RFPL1: variants seen among roughly 807,000 people sequenced by gnomAD.
RFPL1 encodes the protein ret finger protein like 1.
In RFPL1, 6 loss-of-function variants were observed where a neutral mutation model predicts 9.6. The ratio of observed to expected loss-of-function variants is 0.62; its 90% CI spans 0.34 to 1.23. The LOEUF (loss-of-function observed/expected upper bound fraction) is 1.23, where lower values mean the gene tolerates loss of function less well. RFPL1 is among the 50% of genes most tolerant of loss of function. RFPL1 has a pLI of 0.03. For missense variants in RFPL1, 352 were observed against 398.4 expected, an observed-to-expected ratio of 0.88 and a Z score of 0.99; for synonymous variants, 145 against 149.4, an observed-to-expected ratio of 0.97 and a Z score of 0.22.
chr22:29,422,450 T>G, the RFPL1 span, among the ~76,000 whole-genome samples: 1 of 152,180 alleles, frequency 6.6e-6, no homozygotes, highest in Non-Finnish European at 1.5e-5. Context: ...TGGTGGTGCA[T>G]GCCTGTAATC....
chr22:29,424,833 ACC>A, the RFPL1 span, among the ~76,000 whole-genome samples: 26 of 39,222 alleles, frequency 6.6e-4, no homozygotes, highest in East Asian at 2.8e-3. Flanking sequence ...TGTCCCTCCC[ACC>A]CCCCCCCCCG....
At chr22:29,417,451 G>C in the RFPL1 span, among the ~76,000 whole-genome samples, 1 of 150,512 alleles carries the variant, frequency 6.6e-6, no homozygotes, top group African/African-American at 2.5e-5. Flanking sequence ...GGAGCAGTGG[G>C]AGCCTATCTT....
the RFPL1 span, among the ~76,000 whole-genome samples, chr22:29,417,311 A>T: frequency 3.3e-5 from 5 of 152,016 alleles, no homozygotes; most frequent in Non-Finnish European, 4.4e-5. Flanking sequence ...CTGACTTGGA[A>T]GGAGGCCCAG....
At chr22:29,389,628 G>A in the RFPL1 span, among the ~76,000 whole-genome samples, 66 of 146,490 alleles carry the variant, frequency 4.5e-4, 2 homozygotes, top group Admixed American at 4.5e-3. Flanking sequence ...AGAGCTTGCA[G>A]TGAGCCGACA....
the RFPL1 span, among the ~76,000 whole-genome samples, chr22:29,398,552 A>G: frequency 1.1e-4 from 16 of 152,282 alleles, no homozygotes; most frequent in South Asian, 8.3e-4. Flanking sequence ...ATGGATCTAG[A>G]TCGGGACCCA....
chr22:29,418,525 A>C, the RFPL1 span, among the ~76,000 whole-genome samples: 1 of 118,886 alleles, frequency 8.4e-6, no homozygotes. Flanking sequence ...TTTGAGACTG[A>C]GTCTCGCTCT....
rs746023632 is a variant in RFPL1, at chr22:29,439,154, G to C, written c.363G>C (p.Arg121=). ...TTCTGCAGATGAACCCAAGGATGCG[G>C]AAGTTCCAAGGTGAGGGATCTGTAT... Residue 121 remains arginine, a synonymous_variant, in exon 1 of 2, where the codon CGG becomes CGC. Coordinates refer to ENST00000354373, the Ensembl canonical transcript of RFPL1. The C allele has an allele frequency of 3.1e-6, 5 of 1,613,826 alleles. No homozygotes were observed. The East Asian group carries it at 1.1e-4, about 36-fold the overall frequency.
the RFPL1 span, among the ~76,000 whole-genome samples, chr22:29,406,094 G>C: frequency 1 from 119,932 of 119,966 alleles, 59,950 homozygotes; most frequent in Middle Eastern, 1. Flanking sequence ...CCGGCCTGGG[G>C]GACAGAGCGA....
At chr22:29,412,951 C>T in the RFPL1 span, among the ~76,000 whole-genome samples, 2 of 152,126 alleles carry the variant, frequency 1.3e-5, no homozygotes, top group East Asian at 3.9e-4. Context: ...GCAAGAGCGC[C>T]CCCTGCTGGA....
chr22:29,424,930 C>A, the RFPL1 span, among the ~76,000 whole-genome samples: 4 of 149,580 alleles, frequency 2.7e-5, no homozygotes, highest in Non-Finnish European at 4.4e-5. Context: ...CCAGGCCAGG[C>A]GCGGTGGCTC....
chr22:29,404,567 G>A, the RFPL1 span, among the ~76,000 whole-genome samples: 2 of 152,100 alleles, frequency 1.3e-5, no homozygotes, highest in Non-Finnish European at 1.5e-5. Flanking sequence ...TCTAGACATG[G>A]CATATAAAAC....
chr22:29,400,961 C>T, the RFPL1 span, among the ~76,000 whole-genome samples: 1 of 152,232 alleles, frequency 6.6e-6, no homozygotes, highest in Admixed American at 6.5e-5. Flanking sequence ...TGAGACCCAC[C>T]AGATCAGCCA....
chr22:29,404,891 T>A, the RFPL1 span, among the ~76,000 whole-genome samples: 2 of 152,162 alleles, frequency 1.3e-5, no homozygotes, highest in Non-Finnish European at 2.9e-5. Flanking sequence ...CACACCTGGC[T>A]AATTTTTAAA....
chr22:29,389,953 C>G, the RFPL1 span, among the ~76,000 whole-genome samples: 3 of 151,934 alleles, frequency 2.0e-5, no homozygotes, highest in African/African-American at 7.3e-5. Flanking sequence ...CATGCACCAC[C>G]GTGCCCAGCT....
the RFPL1 span, among the ~76,000 whole-genome samples, chr22:29,403,836 A>G: frequency 6.6e-6 from 1 of 152,220 alleles, no homozygotes; most frequent in African/African-American, 2.4e-5. Flanking sequence ...GGAAATGCAA[A>G]ATGGCTCGAC....
chr22:29,437,436 A>C (rs1424239703), upstream of RFPL1: 1 of 579,648 alleles, frequency 1.7e-6, no homozygotes, highest in Admixed American at 3.4e-5. Flanking sequence ...AAGTTAGTAC[A>C]TTAAGCCTAA....
chr22:29,431,128 T>A, the RFPL1 span, among the ~76,000 whole-genome samples: 1 of 152,042 alleles, frequency 6.6e-6, no homozygotes, highest in Non-Finnish European at 1.5e-5. Flanking sequence ...GAGCTGTCGG[T>A]GGAAGCTACT....
In RFPL1 at chr22:29,441,419, AT is replaced by A. The variant is rs1271411387; in HGVS notation, c.374-119del. 8 of 1,233,266 alleles carry A rather than the reference AT, an allele frequency of 6.5e-6. No individual in the cohort carries two copies. In the East Asian group the frequency reaches 1.7e-4, roughly 26 times the overall value. The allele number at this position is 1,233,266 out of a possible 1,614,324, so 76.4% of individuals were successfully genotyped here. A position where few individuals can be genotyped will look rare whatever the true frequency, so the allele number is the denominator to read the frequency against. ...GGAAGTTGCCTCATGAAAAGTTTTG[AT>A]TTTGGGGGAAGAAGAGAATTAAAGA... is the stretch of plus-strand genomic sequence containing the variant. On this transcript the variant is annotated intron_variant, in intron 1 of 1. Transcript: ENST00000354373.
chr22:29,412,548 A>G, the RFPL1 span, among the ~76,000 whole-genome samples: 1 of 152,218 alleles, frequency 6.6e-6, no homozygotes, highest in East Asian at 1.9e-4. Flanking sequence ...TTCAGTATCA[A>G]ACTTGGGGTC....
Sources: allele counts gnomAD v4.1 joint callset (sites outside exome capture counted in the v4.1 genomes callset), GRCh38; gene constraint gnomAD v4.1.1; transcripts MANE v1.5; gene names NCBI Gene and HGNC (gene_info 2026-07-23, HGNC 2026-07-21).